SERPINA9: variants seen among roughly 807,000 people sequenced by gnomAD.
The protein encoded by SERPINA9 is serpin A9.
Under a neutral mutation model 24.5 loss-of-function variants are expected in SERPINA9, and 32 were observed. The ratio of observed to expected loss-of-function variants is 1.30; its 90% CI spans 0.98 to 1.75. The LOEUF (loss-of-function observed/expected upper bound fraction) is 1.75, where lower values mean the gene tolerates loss of function less well. Among genes scored for constraint, SERPINA9 ranks in the 40% most tolerant of loss-of-function variants. The pLI is 0.00. For missense variants in SERPINA9, 594 were observed against 497.1 expected, an observed-to-expected ratio of 1.19 and a Z score of -1.85; for synonymous variants, 233 against 197.7, an observed-to-expected ratio of 1.18 and a Z score of -1.50.
At chr14:94,465,894 C>T (rs1047255189) in intron 3 of SERPINA9, among the ~76,000 whole-genome samples, 6 of 152,184 alleles carry the variant, frequency 3.9e-5, no homozygotes, top group Non-Finnish European at 7.4e-5. Context: ...GACGGTAAAG[C>T]TTACTTTTAG....
Position 94,469,764 on chromosome 14 carries a change from G to A in SERPINA9, c.77C>T (p.Ala26Val), listed in dbSNP as rs747466486. The A allele has an allele frequency of 3.7e-5, 58 of 1,557,542 alleles. No homozygotes were observed. The highest frequency in any genetic ancestry group is 4.5e-5 in the Non-Finnish European group (52 of 1,150,578). Reference sequence around the variant, plus strand: ...GGAAGGGCGGGGGTATGCACTGGGGGCATTGGCCGGGGACACACAGTAGAT... The same window carrying A: ...GGAAGGGCGGGGGTATGCACTGGGGACATTGGCCGGGGACACACAGTAGAT... ...APIYCVSPAN[A>V]PSAYPRPSST... Residue 26 changes from alanine (A) to valine (V), a missense_variant, in exon 2 of 5, where the codon GCC (alanine) becomes GTC (valine). Coordinates refer to ENST00000674397, the MANE Select transcript of SERPINA9 (RefSeq NM_175739.4).
At chr14:94,470,272 T>A (rs1899248229) in intron 1 of SERPINA9, 1 of 914,776 alleles carries the variant, frequency 1.1e-6, no homozygotes, top group South Asian at 5.0e-5. Flanking sequence ...CCTCCACACA[T>A]TCTTTATCCA....
At chr14:94,471,605 T>C (rs950554064) in intron 1 of SERPINA9, among the ~76,000 whole-genome samples, 4 of 152,252 alleles carry the variant, frequency 2.6e-5, no homozygotes, top group Admixed American at 2.6e-4. Context: ...TTGTGTAGTT[T>C]TGTATTTGCC....
In SERPINA9 at chr14:94,470,072, A is replaced by G. The variant is rs1171215475; in HGVS notation, c.-17-215T>C. 1.0e-5 allele frequency: 7 copies of G among 691,270 alleles called. No homozygotes were observed. In the African/African-American group the frequency reaches 1.3e-4, roughly 13 times the overall value. 42.8% of individuals were successfully genotyped at this position (691,270 alleles called of 1,614,324 possible). ...GCAAATGAGTAAACAGGCCACAGAG[A>G]GTCTGTGCAACTTACCCCAAATAGC... On this transcript the variant is annotated intron_variant, in intron 1 of 4. Coordinates refer to ENST00000674397, the MANE Select transcript of SERPINA9 (RefSeq NM_175739.4).
Position 94,463,108 on chromosome 14 carries a change from AT to A in SERPINA9, c.1238del (p.Asn413IlefsTer12). On this transcript the variant is annotated frameshift_variant, in exon 5 of 5. Coordinates refer to ENST00000674397, the MANE Select transcript of SERPINA9 (RefSeq NM_175739.4). LOFTEE classifies it high-confidence loss of function. ...DGILFLGKVE[N>X]PTKS Reference sequence around the variant, plus strand: ...CATTTCCCACCTAGGATTTAGTGGGATTTTCCACTTTCCCTAGAAAGAGAAT... The same window carrying A: ...CATTTCCCACCTAGGATTTAGTGGGATTTCCACTTTCCCTAGAAAGAGAAT... The A allele has an allele frequency of 6.2e-7, 1 of 1,613,992 alleles. No homozygotes were observed. The highest frequency in any genetic ancestry group is 8.5e-7 in the Non-Finnish European group (1 of 1,179,874).
Position 94,469,373 on chromosome 14 carries a change from A to G in SERPINA9, c.468T>C (p.Tyr156=). 6.2e-7 allele frequency: 1 copy of G among 1,614,178 alleles called. No individual in the cohort carries two copies. Among genetic ancestry groups the G allele is most frequent in the Non-Finnish European group, 8.5e-7 (1 of 1,180,018 alleles). Residue 156 remains tyrosine (Y), a synonymous_variant, in exon 2 of 5, where the codon TAT becomes TAC. Transcript: ENST00000674397. The stretch of plus-strand genomic sequence containing the variant: ...AATCTGTAGAAAAGACTTCTGCTTC[A>G]TACAGCCTCTTGACATTGCCCAAGA... The part of the protein sequence containing the change: ...ANFLGNVKRL[Y]EAEVFSTDFS...
intron 1 of SERPINA9, among the ~76,000 whole-genome samples, chr14:94,473,043 A>G (rs1002089333): frequency 3.9e-5 from 6 of 152,216 alleles, no homozygotes; most frequent in Non-Finnish European, 8.8e-5. Flanking sequence ...GGATGGCTGC[A>G]GAGAACCTCA....
intron 1 of SERPINA9, among the ~76,000 whole-genome samples, chr14:94,473,210 G>A (rs2139820287): frequency 6.6e-6 from 1 of 152,314 alleles, no homozygotes; most frequent in South Asian, 2.1e-4. Context: ...CTGAGATGGA[G>A]AAGCATTTAC....
intron 1 of SERPINA9, 120 bp downstream of exon 1, chr14:94,476,016 T>C (rs1899629839): frequency 3.4e-6 from 5 of 1,476,430 alleles, no homozygotes; most frequent in South Asian, 1.2e-5. Context: ...TGTGTCTAGG[T>C]TCTCATCTTA....
chr14:94,476,048 G>C (rs995561065), intron 1 of SERPINA9, 88 bp downstream of exon 1: 4 of 1,589,562 alleles, frequency 2.5e-6, no homozygotes, highest in Non-Finnish European at 8.6e-7. Context: ...AGCTGCATTT[G>C]ACACTGAAGA....
At chr14:94,470,909 G>T (rs8014489) in intron 1 of SERPINA9, among the ~76,000 whole-genome samples, 4 of 152,018 alleles carry the variant, frequency 2.6e-5, no homozygotes, top group African/African-American at 9.7e-5. Flanking sequence ...AACCCTGTGC[G>T]TTGACCCTGA....
chr14:94,464,442 G>A (rs1898896312), intron 4 of SERPINA9: 2 of 535,336 alleles, frequency 3.7e-6, no homozygotes, highest in Admixed American at 3.6e-5. Context: ...AGATCCTGAG[G>A]GAGCACTTGC....
intron 1 of SERPINA9, among the ~76,000 whole-genome samples, chr14:94,473,958 C>T (rs567176423): frequency 6.6e-6 from 1 of 152,366 alleles, no homozygotes; most frequent in Admixed American, 6.5e-5. Context: ...ACGCCCAGTG[C>T]GGCATCCAGC....
intron 1 of SERPINA9, among the ~76,000 whole-genome samples, chr14:94,474,205 G>C (rs936102316): frequency 1.3e-5 from 2 of 152,220 alleles, no homozygotes; most frequent in African/African-American, 4.8e-5. Context: ...GCTGGCAGTG[G>C]GGCAGGTGGC....
At chr14:94,465,206 C>A (rs965649622) in intron 3 of SERPINA9, among the ~76,000 whole-genome samples, 1 of 152,192 alleles carries the variant, frequency 6.6e-6, no homozygotes, top group African/African-American at 2.4e-5. Flanking sequence ...TCCTCAGCAG[C>A]ACTTCCTGAT....
intron 2 of SERPINA9, among the ~76,000 whole-genome samples, chr14:94,468,515 C>T (rs1379056175): frequency 2.0e-5 from 3 of 152,148 alleles, no homozygotes; most frequent in Non-Finnish European, 4.4e-5. Flanking sequence ...TCAGAGTATC[C>T]AGTCAGCACA....
At chr14:94,464,270 CCTCTCTCT>C (rs71129684) in intron 4 of SERPINA9, 4,357 of 54,190 alleles carry the variant, frequency 0.08, 122 homozygotes, top group African/African-American at 0.19. Flanking sequence ...CTTTAAAACT[CCTCTCTCT>C]CTCTCTCTCT....
Position 94,463,290 on chromosome 14 carries a change from G to A in SERPINA9, c.1057C>T (p.His353Tyr), listed in dbSNP as rs1166135543. The change falls in exon 5 of 5, where the codon CAC (histidine) becomes TAC (tyrosine). Residue 353 changes from histidine to tyrosine, a missense_variant. His to Tyr is a moderately conservative substitution (Grantham distance 83, BLOSUM62 2). Coordinates refer to ENST00000674397, the MANE Select transcript of SERPINA9 (RefSeq NM_175739.4). ...RDSLQVSKAT[H>Y]KAVLDVSEEG... Reference sequence around the variant, plus strand: ...TCACTGACATCCAGCACAGCCTTGTGGGTTGCCTGCCAAGGGAAAAACAAA... The same window carrying A: ...TCACTGACATCCAGCACAGCCTTGTAGGTTGCCTGCCAAGGGAAAAACAAA... 2 of 1,613,940 alleles carry A rather than the reference G, an allele frequency of 1.2e-6. No homozygotes were observed. Among genetic ancestry groups the A allele is most frequent in the Non-Finnish European group, 1.7e-6 (2 of 1,179,990 alleles).
chr14:94,475,766 A>G (rs546598729), intron 1 of SERPINA9, among the ~76,000 whole-genome samples: 1 of 152,320 alleles, frequency 6.6e-6, no homozygotes, highest in Non-Finnish European at 1.5e-5. Context: ...AAACTGTTCA[A>G]GTCTTGCTCG....
Sources: allele counts gnomAD v4.1 joint callset (sites outside exome capture counted in the v4.1 genomes callset), GRCh38; gene constraint gnomAD v4.1.1; transcripts MANE v1.5; gene names NCBI Gene and HGNC (gene_info 2026-07-23, HGNC 2026-07-21).